The following MICU3 variants were observed in gnomAD, a reference collection of about 807,000 sequenced individuals.
The protein encoded by MICU3 is calcium uptake protein 3, mitochondrial.
Under a neutral mutation model 66.5 loss-of-function variants are expected in MICU3, and 62 were observed. That is an observed-to-expected ratio of 0.93 (90% CI 0.76 to 1.15). The LOEUF (loss-of-function observed/expected upper bound fraction) is 1.15. Among genes scored for constraint, MICU3 ranks in the 50% most tolerant of loss-of-function variants. The pLI, the probability that MICU3 is intolerant of heterozygous loss-of-function variation, is 0.00. For synonymous variants in MICU3, 308 were observed against 240.7 expected (o/e 1.28, Z -2.59); for missense variants, 779 against 664.4 (o/e 1.17, Z -1.90).
At chr8:17,064,033 AG>A (rs900823973) in intron 1 of MICU3, 50 bp from the exon 2 acceptor site, 2 of 1,403,418 alleles carry the variant, frequency 1.4e-6, no homozygotes, top group African/African-American at 2.8e-5. Flanking sequence ...TATCTTCTAG[AG>A]GGAGGTATTA....
At chr8:17,043,229 G>A (rs1442515462) in intron 1 of MICU3, among the ~76,000 whole-genome samples, 5 of 152,032 alleles carry the variant, frequency 3.3e-5, no homozygotes, top group African/African-American at 1.2e-4. Flanking sequence ...GTGAGCCACC[G>A]CGCCCGGCCT....
chr8:17,137,954 A>G, the MICU3 span, among the ~76,000 whole-genome samples: 2,093 of 151,780 alleles, frequency 0.014, 54 homozygotes, highest in African/African-American at 0.046. Context: ...TGACTTTGTG[A>G]TCCGCCTGCC....
intron 11 of MICU3, among the ~76,000 whole-genome samples, chr8:17,109,420 G>A (rs1802011268): frequency 6.6e-6 from 1 of 152,018 alleles, no homozygotes; most frequent in African/African-American, 2.4e-5. Flanking sequence ...GGCTGGAAAT[G>A]GCCTAAATGT....
rs140737211 is a variant in MICU3, at chr8:17,043,223, G to A, written c.381+15563G>A. 6.7e-3 allele frequency among the ~76,000 whole-genome samples: 1,021 copies of A among 152,172 alleles called. 11 individuals carry two copies. Among genetic ancestry groups the A allele is most frequent in the African/African-American group, 0.024 (980 of 41,500 alleles). On this transcript the variant is annotated intron_variant, in intron 1 of 14. Coordinates refer to ENST00000318063, the MANE Select transcript of MICU3 (RefSeq NM_181723.3). ...CAAATGGCTGGGATTACAGGCGTGA[G>A]CCACCGCGCCCGGCCTCAAAGTGAT... is the stretch of plus-strand genomic sequence containing the variant.
chr8:17,070,412 A>C (rs1225379694), intron 3 of MICU3, among the ~76,000 whole-genome samples: 1 of 152,082 alleles, frequency 6.6e-6, no homozygotes, highest in East Asian at 1.9e-4. Context: ...AAAGTCCAAA[A>C]CTGAGAAAGT....
intron 3 of MICU3, among the ~76,000 whole-genome samples, chr8:17,070,217 TG>T (rs1819344390): frequency 6.6e-6 from 1 of 152,052 alleles, no homozygotes; most frequent in Admixed American, 6.6e-5. Flanking sequence ...AGATTATATA[TG>T]ATGGCCCCAA....
intron 3 of MICU3, among the ~76,000 whole-genome samples, chr8:17,074,791 A>C (rs1233716252): frequency 6.6e-6 from 1 of 152,148 alleles, no homozygotes; most frequent in Non-Finnish European, 1.5e-5. Flanking sequence ...TAAGAAAATT[A>C]CGTAACTCTT....
chr8:17,029,935 G>A (rs186978961), intron 1 of MICU3, among the ~76,000 whole-genome samples: 2 of 151,494 alleles, frequency 1.3e-5, no homozygotes, highest in Admixed American at 6.6e-5. Context: ...CTTATATTTC[G>A]GTTTTAAAAA....
chr8:17,129,107 C>G, the MICU3 span, among the ~76,000 whole-genome samples: 1 of 152,186 alleles, frequency 6.6e-6, no homozygotes, highest in Non-Finnish European at 1.5e-5. Context: ...AAAGACAACT[C>G]TTGACCTATC....
At chr8:17,056,185 A>G (rs534831667) in intron 1 of MICU3, among the ~76,000 whole-genome samples, 2 of 152,318 alleles carry the variant, frequency 1.3e-5, no homozygotes, top group South Asian at 2.1e-4. Flanking sequence ...CCTTATGTCA[A>G]TTCCCCAGGG....
intron 1 of MICU3, among the ~76,000 whole-genome samples, chr8:17,042,624 G>C (rs183871312): frequency 1.5e-4 from 23 of 152,262 alleles, no homozygotes; most frequent in Admixed American, 1.1e-3. Flanking sequence ...TGCTACCATA[G>C]CATAGTAGTG....
the MICU3 span, chr8:17,131,362 A>G: frequency 4.6e-5 from 7 of 151,456 alleles, no homozygotes; most frequent in African/African-American, 9.7e-5. Flanking sequence ...AAGTGGGAGC[A>G]TAAGTGGGAG....
intron 1 of MICU3, among the ~76,000 whole-genome samples, chr8:17,056,640 A>G (rs1284173063): frequency 1.3e-5 from 2 of 152,230 alleles, no homozygotes; most frequent in Non-Finnish European, 2.9e-5. Flanking sequence ...AAAGGAAATC[A>G]CTAGGATTTA....
chr8:17,054,071 A>G (rs1370296920), intron 1 of MICU3, among the ~76,000 whole-genome samples: 1 of 152,156 alleles, frequency 6.6e-6, no homozygotes, highest in Non-Finnish European at 1.5e-5. Flanking sequence ...TTTTTGATAG[A>G]AAAAAAATTC....
chr8:17,047,320 A>G (rs1012810856), intron 1 of MICU3, among the ~76,000 whole-genome samples: 3 of 152,218 alleles, frequency 2.0e-5, no homozygotes, highest in African/African-American at 7.2e-5. Flanking sequence ...AGAATGTAAC[A>G]CAGAAATGAA....
chr8:17,090,417 A>T lies in MICU3; in HGVS notation c.850-129A>T, dbSNP rs554225112. On this transcript the variant is annotated intron_variant, in intron 7 of 14. Transcript: ENST00000318063. ...CACTTGTATTGTTCGTGTGCTCTATATAAAATGTAGCATAATGATTTGCCC... is the reference window on the plus strand; with the variant it reads ...CACTTGTATTGTTCGTGTGCTCTATTTAAAATGTAGCATAATGATTTGCCC... 5 of 716,616 alleles carry T rather than the reference A, an allele frequency of 7.0e-6. No individual in the cohort carries two copies. The South Asian group carries it at 9.8e-5, about 14-fold the overall frequency. 44.4% of individuals were successfully genotyped at this position (716,616 alleles called of 1,614,324 possible).
the MICU3 span, among the ~76,000 whole-genome samples, chr8:17,136,448 G>A: frequency 0.31 from 47,256 of 151,948 alleles, 8,093 homozygotes; most frequent in East Asian, 0.74. Flanking sequence ...ATGTCAGAAG[G>A]GCTCCACATA....
intron 1 of MICU3, among the ~76,000 whole-genome samples, chr8:17,032,366 A>G (rs1216918874): frequency 1.3e-5 from 2 of 152,030 alleles, no homozygotes; most frequent in African/African-American, 4.8e-5. Flanking sequence ...TTGTTCTAGA[A>G]CTGCCTTTTT....
At chr8:17,073,913 A>T (rs1360737771) in intron 3 of MICU3, among the ~76,000 whole-genome samples, 1 of 152,198 alleles carries the variant, frequency 6.6e-6, no homozygotes, top group African/African-American at 2.4e-5. Flanking sequence ...AAATAATATT[A>T]ACTGACAGTC....
Sources: gnomAD v4.1 joint callset for allele counts (sites outside exome capture counted in the v4.1 genomes callset) on GRCh38, gnomAD v4.1.1 for gene constraint, MANE v1.5 for transcripts, NCBI Gene and HGNC (gene_info 2026-07-23, HGNC 2026-07-21) for gene names.